Variants in MEIS1 observed in about 807,000 individuals in gnomAD.
The protein encoded by MEIS1 is homeobox protein Meis1.
MEIS1 carries 5 observed loss-of-function variants against 50.8 expected under a neutral mutation model. The observed-to-expected ratio is 0.10, with a 90% CI of 0.05 to 0.21. The LOEUF (loss-of-function observed/expected upper bound fraction) is 0.21. MEIS1 is among the 10% of genes least tolerant of loss of function. The pLI is 1.00. For synonymous variants in MEIS1, 176 were observed against 179.3 expected (o/e 0.98, Z 0.15); for missense variants, 318 against 517.3 (o/e 0.61, Z 3.74).
intron 9 of MEIS1, among the ~76,000 whole-genome samples, chr2:66,549,929 A>G (rs780319014): frequency 6.6e-6 from 1 of 152,294 alleles, no homozygotes; most frequent in East Asian, 1.9e-4. Flanking sequence ...TGTGACTTCA[A>G]GCAATATATA....
intron 1 of MEIS1, among the ~76,000 whole-genome samples, chr2:66,436,480 C>G (rs955840841): frequency 6.6e-6 from 1 of 152,194 alleles, no homozygotes; most frequent in South Asian, 2.1e-4. Flanking sequence ...CTAATTTCCC[C>G]ATATTCCTTT....
chr2:66,567,063 C>A (rs1675366873), intron 9 of MEIS1, among the ~76,000 whole-genome samples: 1 of 152,122 alleles, frequency 6.6e-6, no homozygotes, highest in Non-Finnish European at 1.5e-5. Flanking sequence ...ATTGAAATGT[C>A]ACTAATTAGG....
chr2:66,565,699 T>A (rs1378066122), intron 9 of MEIS1, among the ~76,000 whole-genome samples: 3 of 152,202 alleles, frequency 2.0e-5, no homozygotes, highest in Non-Finnish European at 2.9e-5. Context: ...CATAAAAGAT[T>A]ATGTTTTTAA....
rs373697250 is a variant in MEIS1 at position 66,464,132 on chromosome 2, T to C, written c.654T>C (p.Asp218=). 25 of 1,602,626 alleles carry C rather than the reference T, an allele frequency of 1.6e-5. No homozygotes were observed. The African/African-American group carries it at 2.7e-4, about 17-fold the overall frequency. The change falls in exon 7 of 13, where the codon GAT becomes GAC. Residue 218 remains aspartate (D), a synonymous_variant. Transcript: ENST00000272369. ...AGCCCTCTTGGAACAGAGATCATGA[T>C]GACACGGCATCTACTCGTTCAGGAG... ...TDQPSWNRDH[D]DTASTRSGGT...
At chr2:66,558,727 G>T (rs1306054420) in intron 9 of MEIS1, among the ~76,000 whole-genome samples, 1 of 152,198 alleles carries the variant, frequency 6.6e-6, no homozygotes, top group Non-Finnish European at 1.5e-5. Context: ...GACATGAGCA[G>T]AGACTCCAGG....
chr2:66,514,554 A>G (rs1673914898), intron 8 of MEIS1, among the ~76,000 whole-genome samples: 1 of 152,110 alleles, frequency 6.6e-6, no homozygotes, highest in African/African-American at 2.4e-5. Context: ...CCATTCATCC[A>G]TGTTTCCCCA....
At chr2:66,491,312 T>C (rs1044220061) in intron 7 of MEIS1, among the ~76,000 whole-genome samples, 11 of 152,262 alleles carry the variant, frequency 7.2e-5, no homozygotes, top group Middle Eastern at 3.2e-3. Flanking sequence ...CACTTAGTTT[T>C]CACTTTGCAG....
intron 8 of MEIS1, among the ~76,000 whole-genome samples, chr2:66,541,815 G>A (rs1674659403): frequency 6.6e-6 from 1 of 152,188 alleles, no homozygotes; most frequent in African/African-American, 2.4e-5. Context: ...CAACTACTAT[G>A]CATTCAGGCT....
Position 66,571,468 on chromosome 2 carries a change from C to T in MEIS1, c.*260C>T. 6.3e-7 allele frequency: 1 copy of T among 1,599,236 alleles called. No individual in the cohort carries two copies. The highest frequency in any genetic ancestry group is 1.7e-5 in the Admixed American group (1 of 57,152). The stretch of plus-strand genomic sequence containing the variant: ...ATGCCAATGTCAGCATCAAGCCCCA[C>T]AGTTCTTAATACAGGAGACCCAACA... On this transcript the variant is annotated 3_prime_UTR_variant, in exon 13 of 13. Coordinates refer to ENST00000272369, the MANE Select transcript of MEIS1 (RefSeq NM_002398.3).
chr2:66,449,385 A>G (rs1672228734), intron 6 of MEIS1, among the ~76,000 whole-genome samples: 1 of 152,142 alleles, frequency 6.6e-6, no homozygotes, highest in Admixed American at 6.5e-5. Context: ...CTTAATGTAT[A>G]CGAATAAACC....
At chr2:66,563,641 G>A (rs1386878068) in intron 9 of MEIS1, among the ~76,000 whole-genome samples, 1 of 152,142 alleles carries the variant, frequency 6.6e-6, no homozygotes, top group Non-Finnish European at 1.5e-5. Flanking sequence ...TGAGACACAA[G>A]GTCAAAGGGC....
intron 6 of MEIS1, among the ~76,000 whole-genome samples, chr2:66,452,439 G>A (rs1389622424): frequency 6.6e-6 from 1 of 151,862 alleles, no homozygotes; most frequent in Non-Finnish European, 1.5e-5. Flanking sequence ...ATAGCCCTAA[G>A]TAGATAATTA....
intron 7 of MEIS1, among the ~76,000 whole-genome samples, chr2:66,482,778 C>T (rs1217324100): frequency 6.6e-6 from 1 of 152,176 alleles, no homozygotes; most frequent in African/African-American, 2.4e-5. Context: ...CTGGAACACA[C>T]ATATTTCCCA....
At chr2:66,486,706 C>T (rs1371761352) in intron 7 of MEIS1, among the ~76,000 whole-genome samples, 3 of 152,164 alleles carry the variant, frequency 2.0e-5, no homozygotes, top group Non-Finnish European at 4.4e-5. Flanking sequence ...GCCATATTCA[C>T]GATATTGATT....
chr2:66,538,458 A>G (rs926875910), intron 8 of MEIS1, among the ~76,000 whole-genome samples: 2 of 152,230 alleles, frequency 1.3e-5, no homozygotes, highest in East Asian at 1.9e-4. Context: ...GCACTCTACT[A>G]TTCTGGGATT....
chr2:66,503,867 C>T (rs1313349537), intron 7 of MEIS1, among the ~76,000 whole-genome samples: 3 of 151,228 alleles, frequency 2.0e-5, no homozygotes, highest in African/African-American at 2.4e-5. Flanking sequence ...GCCTCATCCT[C>T]CCAAGTAGCT....
intron 7 of MEIS1, among the ~76,000 whole-genome samples, chr2:66,509,347 A>G (rs145933379): frequency 0.011 from 1,679 of 152,320 alleles, 14 homozygotes; most frequent in Non-Finnish European, 0.018. Context: ...CTGAACATGC[A>G]CCAGTATTTA....
At chr2:66,568,795 T>TC in intron 11 of MEIS1, 39 bp downstream of exon 11, 1 of 1,528,078 alleles carries the variant, frequency 6.5e-7, no homozygotes, top group Non-Finnish European at 9.1e-7. Flanking sequence ...CATTTTTGAC[T>TC]CCAAGAGTGT....
intron 9 of MEIS1, among the ~76,000 whole-genome samples, chr2:66,557,907 C>A (rs1456073535): frequency 1.3e-5 from 2 of 152,134 alleles, no homozygotes; most frequent in East Asian, 3.9e-4. Flanking sequence ...TTCTCATATT[C>A]TTCTCACTAC....
Sources: allele counts gnomAD v4.1 joint callset (sites outside exome capture counted in the v4.1 genomes callset), GRCh38; gene constraint gnomAD v4.1.1; transcripts MANE v1.5; gene names NCBI Gene and HGNC (gene_info 2026-07-23, HGNC 2026-07-21).